Variants in NTM observed in about 807,000 individuals in gnomAD.
NTM encodes the protein IgLON family member 2.
In NTM, 13 loss-of-function variants were observed where a neutral mutation model predicts 42.1. That is an observed-to-expected ratio of 0.31 (90% CI 0.20 to 0.49). The LOEUF is 0.49. Ranked by LOEUF, NTM falls within the 20% of genes least tolerant of loss-of-function variation. The pLI, the probability that NTM is intolerant of heterozygous loss-of-function variation, is 0.99. For synonymous variants in NTM, 187 were observed against 179.2 expected (o/e 1.04, Z -0.35); for missense variants, 373 against 452.8 (o/e 0.82, Z 1.60).
chr11:132,113,437 T>G lies in NTM; in HGVS notation c.168-32845T>G, dbSNP rs114241847. On this transcript the variant is annotated intron_variant, in intron 2 of 8. Transcript: ENST00000683400. ...AGTCTGTGTGCACCACGTACACATTTTCCCTCTAGGTCTCTTTCAGATCTG... is the reference window on the plus strand; with the variant it reads ...AGTCTGTGTGCACCACGTACACATTGTCCCTCTAGGTCTCTTTCAGATCTG... Among the ~76,000 whole-genome samples, 997 of 152,310 alleles carry G rather than the reference T, an allele frequency of 6.5e-3. 9 individuals carry two copies. The highest frequency in any genetic ancestry group is 0.022 in the African/African-American group (894 of 41,562).
At chr11:132,269,062 C>G (rs576124452) in intron 4 of NTM, among the ~76,000 whole-genome samples, 1 of 152,210 alleles carries the variant, frequency 6.6e-6, no homozygotes, top group Non-Finnish European at 1.5e-5. Context: ...TGAAGGCAGA[C>G]TCCATGTGAC....
At chr11:132,231,412 G>A (rs920213882) in intron 4 of NTM, among the ~76,000 whole-genome samples, 10 of 152,176 alleles carry the variant, frequency 6.6e-5, no homozygotes, top group African/African-American at 1.4e-4. Flanking sequence ...TAGCGATAGC[G>A]AATGACTGCT....
chr11:131,706,356 G>C (rs2076591163), intron 1 of NTM, among the ~76,000 whole-genome samples: 1 of 151,796 alleles, frequency 6.6e-6, no homozygotes, highest in Non-Finnish European at 1.5e-5. Flanking sequence ...AAACAAAAAG[G>C]AGAAATAGAC....
At chr11:131,616,170 A>G (rs2061913427) in intron 1 of NTM, among the ~76,000 whole-genome samples, 1 of 152,222 alleles carries the variant, frequency 6.6e-6, no homozygotes, top group East Asian at 1.9e-4. Context: ...CAGGCTCTGT[A>G]CAGGGGACAG....
chr11:131,688,811 C>G (rs918635978), intron 1 of NTM, among the ~76,000 whole-genome samples: 3 of 152,190 alleles, frequency 2.0e-5, no homozygotes, highest in Non-Finnish European at 4.4e-5. Context: ...GAAACAGAAA[C>G]TAGGACCCTC....
At chr11:131,798,347 G>A (rs995780276) in intron 1 of NTM, among the ~76,000 whole-genome samples, 2 of 152,098 alleles carry the variant, frequency 1.3e-5, no homozygotes, top group Non-Finnish European at 2.9e-5. Context: ...TCCTGCAAGG[G>A]AACAACATCT....
intron 3 of NTM, among the ~76,000 whole-genome samples, chr11:132,178,332 C>A (rs1566391277): frequency 6.6e-6 from 1 of 152,164 alleles, no homozygotes; most frequent in Non-Finnish European, 1.5e-5. Context: ...TACAAGGCTT[C>A]CTTTTTACTC....
chr11:131,379,224 C>T (rs1942347158), intron 1 of NTM, among the ~76,000 whole-genome samples: 1 of 152,186 alleles, frequency 6.6e-6, no homozygotes, highest in African/African-American at 2.4e-5. Flanking sequence ...TGGGCTCTGA[C>T]CCCTCAACAA....
chr11:132,304,442 A>G (rs2094997180), intron 4 of NTM, among the ~76,000 whole-genome samples: 1 of 151,368 alleles, frequency 6.6e-6, no homozygotes, highest in South Asian at 2.1e-4. Context: ...TATGCTTTGT[A>G]AGTTCCTCAC....
chr11:131,555,948 C>T (rs374198431), intron 1 of NTM, among the ~76,000 whole-genome samples: 14 of 152,154 alleles, frequency 9.2e-5, no homozygotes, highest in African/African-American at 3.1e-4. Flanking sequence ...CAGATGCCAA[C>T]GGTGCTGCCC....
intron 2 of NTM, among the ~76,000 whole-genome samples, chr11:131,961,421 G>C (rs139805719): frequency 2.0e-5 from 3 of 152,328 alleles, no homozygotes; most frequent in African/African-American, 4.8e-5. Flanking sequence ...GCCTGTGGAT[G>C]ATGGGGAGAA....
rs549526367 is a variant in NTM at position 131,872,169 on chromosome 11, G to A, written c.83-39395G>A. Among the ~76,000 whole-genome samples, 39 of 152,218 alleles carry A rather than the reference G, an allele frequency of 2.6e-4. No individual in the cohort carries two copies. In the South Asian group the frequency reaches 3.1e-3, roughly 12 times the overall value. The stretch of plus-strand genomic sequence containing the variant: ...TCAATCAAGAGTAAAGCAGGGTCAC[G>A]CAGATCTGGCACAAACTATTCACAA... On this transcript the variant is annotated intron_variant, in intron 1 of 8. Transcript: ENST00000683400.
chr11:131,624,719 C>A (rs544224200), intron 1 of NTM, among the ~76,000 whole-genome samples: 1 of 152,222 alleles, frequency 6.6e-6, no homozygotes, highest in Admixed American at 6.5e-5. Flanking sequence ...TGCCCATCCA[C>A]GCTAATCACG....
chr11:131,687,385 T>G (rs868555005), intron 1 of NTM, among the ~76,000 whole-genome samples: 4 of 152,168 alleles, frequency 2.6e-5, no homozygotes, highest in Middle Eastern at 6.8e-3. Flanking sequence ...GGGACATCAG[T>G]GCTGGGTGAC....
intron 1 of NTM, among the ~76,000 whole-genome samples, chr11:131,596,463 C>T (rs955681129): frequency 3.9e-5 from 6 of 152,188 alleles, no homozygotes; most frequent in African/African-American, 1.2e-4. Context: ...AGGTGGCCGG[C>T]GGAATCTGGC....
intron 2 of NTM, among the ~76,000 whole-genome samples, chr11:131,923,805 T>C (rs1481786750): frequency 6.6e-6 from 1 of 152,200 alleles, no homozygotes; most frequent in African/African-American, 2.4e-5. Flanking sequence ...CTTAGCGCTC[T>C]AGAGGATAAT....
intron 1 of NTM, among the ~76,000 whole-genome samples, chr11:131,636,550 A>T (rs960582444): frequency 6.6e-6 from 1 of 152,166 alleles, no homozygotes; most frequent in South Asian, 2.1e-4. Context: ...CTGCGTTGTA[A>T]CATAAAACGA....
At chr11:131,661,746 A>G (rs574043510) in intron 1 of NTM, among the ~76,000 whole-genome samples, 6 of 152,332 alleles carry the variant, frequency 3.9e-5, no homozygotes, top group African/African-American at 1.4e-4. Flanking sequence ...CCCTAAGAGT[A>G]GAGTGAAAAT....
At chr11:131,616,778 G>GGT (rs59890572) in intron 1 of NTM, among the ~76,000 whole-genome samples, 1,650 of 141,974 alleles carry the variant, frequency 0.012, 39 homozygotes, top group African/African-American at 0.039. Flanking sequence ...GTCTTGAGGG[G>GGT]GTGTGTGTGT....
Sources: gnomAD v4.1 joint callset for allele counts (sites outside exome capture counted in the v4.1 genomes callset) on GRCh38, gnomAD v4.1.1 for gene constraint, MANE v1.5 for transcripts, NCBI Gene and HGNC (gene_info 2026-07-23, HGNC 2026-07-21) for gene names.